Variants in DSCAM observed in about 807,000 individuals in gnomAD.
The protein encoded by DSCAM is DS cell adhesion molecule.
DSCAM carries 47 observed loss-of-function variants against 217.7 expected under a neutral mutation model. The ratio of observed to expected loss-of-function variants is 0.22; its 90% CI spans 0.17 to 0.28. The LOEUF (loss-of-function observed/expected upper bound fraction) is 0.28. DSCAM is among the 10% of genes least tolerant of loss of function. The pLI, the probability that DSCAM is intolerant of heterozygous loss-of-function variation, is 1.00. For missense variants in DSCAM, 2,080 were observed against 2,618.3 expected, an observed-to-expected ratio of 0.79 and a Z score of 4.49; for synonymous variants, 1,056 against 1,015.3, an observed-to-expected ratio of 1.04 and a Z score of -0.76.
intron 32 of DSCAM, among the ~76,000 whole-genome samples, chr21:40,014,956 C>T (rs189003557): frequency 2.3e-4 from 35 of 152,300 alleles, no homozygotes; most frequent in Admixed American, 2.3e-3. Flanking sequence ...CTTTCAGCTG[C>T]CAGGGCACTG....
At chr21:40,577,958 G>T (rs2076868125) in intron 3 of DSCAM, among the ~76,000 whole-genome samples, 1 of 152,146 alleles carries the variant, frequency 6.6e-6, no homozygotes, top group African/African-American at 2.4e-5. Context: ...TTGAGGAAGG[G>T]GCTGCCAGTC....
chr21:40,640,350 T>C, intron 3 of DSCAM, among the ~76,000 whole-genome samples: 1 of 152,162 alleles, frequency 6.6e-6, no homozygotes, highest in East Asian at 1.9e-4. Flanking sequence ...AATGACCATG[T>C]GCAGCATGGA....
intron 8 of DSCAM, among the ~76,000 whole-genome samples, chr21:40,333,482 A>G (rs1829111826): frequency 3.3e-5 from 5 of 152,098 alleles, no homozygotes; most frequent in Admixed American, 3.3e-4. Flanking sequence ...CTCCCTCCTC[A>G]GCCACCTGAG....
chr21:40,014,231 A>C (rs1309586942), intron 32 of DSCAM, among the ~76,000 whole-genome samples: 1 of 152,142 alleles, frequency 6.6e-6, no homozygotes, highest in Admixed American at 6.5e-5. Flanking sequence ...TCTCTACTAA[A>C]AATACAAAAA....
chr21:40,409,227 T>G (rs1569108743), intron 3 of DSCAM, among the ~76,000 whole-genome samples: 1 of 152,250 alleles, frequency 6.6e-6, no homozygotes, highest in Non-Finnish European at 1.5e-5. Context: ...TTTGTATTTT[T>G]AAATGTTACA....
chr21:40,471,499 T>G (rs1159380749), intron 3 of DSCAM, among the ~76,000 whole-genome samples: 1 of 152,240 alleles, frequency 6.6e-6, no homozygotes, highest in African/African-American at 2.4e-5. Flanking sequence ...GGTTACAGTC[T>G]GCTCCGAGGG....
At chr21:40,563,838 TTA>T (rs1034064326) in intron 3 of DSCAM, among the ~76,000 whole-genome samples, 13 of 149,306 alleles carry the variant, frequency 8.7e-5, no homozygotes, top group Admixed American at 2.7e-4. Flanking sequence ...TTATATATGT[TTA>T]TATGTTTATA....
intron 1 of DSCAM, among the ~76,000 whole-genome samples, chr21:40,819,009 T>C (rs750217491): frequency 1.6e-4 from 24 of 152,206 alleles, no homozygotes; most frequent in Non-Finnish European, 2.6e-4. Context: ...TAATAAGCCC[T>C]ACACGGAGCC....
chr21:40,475,879 T>C (rs1368754938), intron 3 of DSCAM, among the ~76,000 whole-genome samples: 1 of 152,124 alleles, frequency 6.6e-6, no homozygotes, highest in African/African-American at 2.4e-5. Flanking sequence ...CATCAGCCTA[T>C]TCCATTTGAG....
chr21:40,097,005 A>G (rs2089685214), intron 20 of DSCAM, among the ~76,000 whole-genome samples: 1 of 152,142 alleles, frequency 6.6e-6, no homozygotes, highest in South Asian at 2.1e-4. Context: ...AGAATTAATC[A>G]CCAGTAGACC....
chr21:40,566,625 C>G (rs535131942), intron 3 of DSCAM, among the ~76,000 whole-genome samples: 1 of 152,254 alleles, frequency 6.6e-6, no homozygotes, highest in Admixed American at 6.5e-5. Context: ...TAGTTCAGAG[C>G]CATATGGGCT....
At chr21:40,643,979 C>T (rs892581743) in intron 3 of DSCAM, among the ~76,000 whole-genome samples, 2 of 152,202 alleles carry the variant, frequency 1.3e-5, no homozygotes, top group Non-Finnish European at 2.9e-5. Context: ...CACATTTGTT[C>T]AATTGAGACC....
chr21:40,644,489 T>C (rs1480914582), intron 3 of DSCAM, among the ~76,000 whole-genome samples: 2 of 152,188 alleles, frequency 1.3e-5, no homozygotes, highest in Non-Finnish European at 2.9e-5. Context: ...ACTCCTGTGA[T>C]GGCAAAACAG....
chr21:40,524,265 C>A (rs1482387226), intron 3 of DSCAM, among the ~76,000 whole-genome samples: 1 of 152,074 alleles, frequency 6.6e-6, no homozygotes, highest in African/African-American at 2.4e-5. Flanking sequence ...ACATAAAAAT[C>A]TAAAATTTGG....
At chr21:40,597,359 G>A (rs1167945530) in intron 3 of DSCAM, among the ~76,000 whole-genome samples, 1 of 148,424 alleles carries the variant, frequency 6.7e-6, no homozygotes, top group Non-Finnish European at 1.5e-5. Flanking sequence ...CAAACGAAAT[G>A]TCTCCTTTGT....
intron 20 of DSCAM, among the ~76,000 whole-genome samples, chr21:40,109,290 C>G (rs888636085): frequency 1.8e-4 from 27 of 150,144 alleles, no homozygotes; most frequent in African/African-American, 6.1e-4. Context: ...GAAACGTAAA[C>G]AAATTTACAA....
intron 3 of DSCAM, among the ~76,000 whole-genome samples, chr21:40,439,374 T>A (rs2075611303): frequency 6.6e-6 from 1 of 152,212 alleles, no homozygotes; most frequent in African/African-American, 2.4e-5. Context: ...CAGTTATTAA[T>A]ACAGTGGAAC....
At chr21:40,112,651 A>C (rs56089037) in intron 20 of DSCAM, among the ~76,000 whole-genome samples, 1,610 of 152,310 alleles carry the variant, frequency 0.011, 17 homozygotes, top group Middle Eastern at 0.027. Context: ...AAAGATCAAC[A>C]AAATTGATAG....
chr21:40,489,774 CAAAAAAAAAA>C lies in DSCAM; in HGVS notation c.509-120539_509-120530del, dbSNP rs35247505. Among the ~76,000 whole-genome samples the C allele has an allele frequency of 1.1e-4, 5 of 47,178 alleles. 1 individual carries two copies. Among genetic ancestry groups the C allele is most frequent in the African/African-American group, 2.4e-4 (3 of 12,742 alleles). The allele number at this position is 47,178 out of a possible 152,430, so 31.0% of individuals were successfully genotyped here. On this transcript the variant is annotated intron_variant, in intron 3 of 32. Transcript: ENST00000400454. ...TGGGCGACAGGGCGAGACTCCGTCTCAAAAAAAAAAAAAAAAAAAAAAAAAAATAAGTACC... is the reference window on the plus strand; with the variant it reads ...TGGGCGACAGGGCGAGACTCCGTCTCAAAAAAAAAAAAAAAAATAAGTACC...
Sources: allele counts gnomAD v4.1 joint callset (sites outside exome capture counted in the v4.1 genomes callset), GRCh38; gene constraint gnomAD v4.1.1; transcripts MANE v1.5; gene names NCBI Gene and HGNC (gene_info 2026-07-23, HGNC 2026-07-21).